SPART: variants seen among roughly 807,000 people sequenced by gnomAD.
SPART encodes spartin, also known as spastic paraplegia 20 (Troyer syndrome).
SPART carries 35 observed loss-of-function variants against 58.7 expected under a neutral mutation model. The ratio of observed to expected loss-of-function variants is 0.60; its 90% CI spans 0.46 to 0.79. SPART has a LOEUF of 0.79. SPART is among the 30% of genes least tolerant of loss of function. The probability of loss-of-function intolerance (pLI) is 0.00; values close to 1 mark genes in which losing one functional copy is unlikely to be tolerated. For synonymous variants in SPART, 284 were observed against 280.7 expected (o/e 1.01, Z -0.12); for missense variants, 730 against 786.1 (o/e 0.93, Z 0.85).
At chr13:36,345,324 A>C (rs1188739939) in intron 1 of SPART, among the ~76,000 whole-genome samples, 5 of 152,212 alleles carry the variant, frequency 3.3e-5, no homozygotes, top group Admixed American at 2.6e-4. Context: ...GGTCCAATAA[A>C]GCCACCAAAT....
intron 1 of SPART, among the ~76,000 whole-genome samples, chr13:36,340,356 CTG>C (rs1437694090): frequency 7.0e-6 from 1 of 142,736 alleles, no homozygotes; most frequent in Non-Finnish European, 1.6e-5. Flanking sequence ...GAGCAAGACT[CTG>C]TTTCAAAAAA....
intron 5 of SPART, among the ~76,000 whole-genome samples, chr13:36,325,039 T>C (rs1882781013): frequency 6.6e-6 from 1 of 152,226 alleles, no homozygotes. Flanking sequence ...TTTTCACTTC[T>C]TTTGTGATTC....
chr13:36,357,171 T>C (rs1024380420), intron 1 of SPART, among the ~76,000 whole-genome samples: 5 of 152,170 alleles, frequency 3.3e-5, no homozygotes, highest in African/African-American at 1.2e-4. Context: ...CTCCCGCTCT[T>C]ACAACCATGG....
chr13:36,325,135 T>C (rs1260256850), intron 5 of SPART, among the ~76,000 whole-genome samples: 3 of 152,180 alleles, frequency 2.0e-5, no homozygotes, highest in Non-Finnish European at 4.4e-5. Flanking sequence ...CTGACAAGTA[T>C]AAATTCCAAA....
At chr13:36,309,934 AAAAC>A (rs763621250) in intron 8 of SPART, among the ~76,000 whole-genome samples, 17 of 152,198 alleles carry the variant, frequency 1.1e-4, no homozygotes, top group South Asian at 6.2e-4. Flanking sequence ...TTCCTATCTT[AAAAC>A]AAACAAACAA....
chr13:36,304,573 C>T lies in SPART; in HGVS notation c.1793G>A (p.Gly598Asp). ...GTTGTTAATATTGTAGGCAGTTACG[C>T]CAACATTGACCGCAGAATCCACCGC... ...HHAVDSAVNV[G>D]VTAYNINNIG... The change falls in exon 9 of 9, where the codon GGC becomes GAC. Residue 598 changes from glycine to aspartate, a missense_variant. By Grantham distance (94) the Gly-to-Asp change is moderately conservative. Coordinates refer to ENST00000438666, the MANE Select transcript of SPART (RefSeq NM_015087.5). 6.2e-7 allele frequency: 1 copy of T among 1,614,094 alleles called. No homozygotes were observed. The highest frequency in any genetic ancestry group is 8.5e-7 in the Non-Finnish European group (1 of 1,179,998).
At chr13:36,323,543 C>T (rs75867963) in intron 5 of SPART, among the ~76,000 whole-genome samples, 3,669 of 152,236 alleles carry the variant, frequency 0.024, 100 homozygotes, top group East Asian at 0.14. Context: ...TGGACAGGCA[C>T]CAATTATGGG....
intron 5 of SPART, among the ~76,000 whole-genome samples, chr13:36,324,648 A>C (rs1020257360): frequency 6.6e-6 from 1 of 152,190 alleles, no homozygotes; most frequent in Admixed American, 6.5e-5. Context: ...GTTACATAGC[A>C]GTAGTAAATG....
intron 3 of SPART, among the ~76,000 whole-genome samples, chr13:36,330,845 G>C (rs1883390943): frequency 6.6e-6 from 1 of 151,968 alleles, no homozygotes; most frequent in Non-Finnish European, 1.5e-5. Flanking sequence ...CAAGAACAAA[G>C]ATAATTATCT....
At chr13:36,339,236 G>A (rs1257104790) in intron 1 of SPART, among the ~76,000 whole-genome samples, 1 of 151,954 alleles carries the variant, frequency 6.6e-6, no homozygotes, top group Non-Finnish European at 1.5e-5. Context: ...TAAAACGCAG[G>A]AAGGAAAAAC....
In SPART at chr13:36,335,478, G is replaced by A. The variant is rs749885557; in HGVS notation, c.353C>T (p.Pro118Leu). ...TAATTTTTCACACATGTCTTTAGGTGGAAATTCTGGATATAACTTGGGCAC... is the reference window on the plus strand; with the variant it reads ...TAATTTTTCACACATGTCTTTAGGTAGAAATTCTGGATATAACTTGGGCAC... ...QEVPKLYPEF[P>L]PKDMCEKLPE... is the part of the protein sequence containing the mutation. Residue 118 changes from proline to leucine, a missense_variant, in exon 2 of 9, where the codon CCA becomes CTA. Physicochemically the swap from Pro to Leu is moderately conservative, Grantham distance 98 (BLOSUM62 -3). Coordinates refer to ENST00000438666, the MANE Select transcript of SPART (RefSeq NM_015087.5). 2.5e-6 allele frequency: 4 copies of A among 1,613,952 alleles called. No individual in the cohort carries two copies. Among genetic ancestry groups the A allele is most frequent in the Non-Finnish European group, 2.5e-6 (3 of 1,180,014 alleles).
At chr13:36,325,352 C>T (rs1397144278) in intron 5 of SPART, among the ~76,000 whole-genome samples, 2 of 152,150 alleles carry the variant, frequency 1.3e-5, no homozygotes, top group African/African-American at 4.8e-5. Context: ...TTGGCTCTAT[C>T]TTTTTTTCTT....
intron 1 of SPART, among the ~76,000 whole-genome samples, chr13:36,340,303 C>A (rs1483994457): frequency 6.6e-6 from 1 of 151,562 alleles, no homozygotes; most frequent in Non-Finnish European, 1.5e-5. Flanking sequence ...GCGGACCTTG[C>A]AGTGAGCCGA....
intron 8 of SPART, among the ~76,000 whole-genome samples, chr13:36,309,643 A>G (rs974360545): frequency 6.6e-6 from 1 of 152,150 alleles, no homozygotes; most frequent in Non-Finnish European, 1.5e-5. Context: ...ACAGAAAACC[A>G]CATGTTCTCA....
At chr13:36,325,558 T>C (rs965008593) in intron 5 of SPART, among the ~76,000 whole-genome samples, 20 of 152,154 alleles carry the variant, frequency 1.3e-4, no homozygotes, top group African/African-American at 4.8e-4. Flanking sequence ...GGGTTATGAA[T>C]TTGACACACT....
chr13:36,332,179 A>G (rs1883523826), intron 2 of SPART, among the ~76,000 whole-genome samples: 1 of 152,188 alleles, frequency 6.6e-6, no homozygotes, highest in Admixed American at 6.5e-5. Flanking sequence ...GAAGCTGAAC[A>G]AGTATTTTAA....
chr13:36,337,178 A>G (rs1382057502), intron 1 of SPART, among the ~76,000 whole-genome samples: 1 of 152,234 alleles, frequency 6.6e-6, no homozygotes, highest in Non-Finnish European at 1.5e-5. Flanking sequence ...TAAATGGAAA[A>G]TTACAGAGAT....
In SPART at chr13:36,304,310, A is replaced by T; in HGVS notation, c.*55T>A. ...TGAGGAATTCCACATTTGCCTATTTAACAAAATTTCATCCATTTCATAAGG... is the reference window on the plus strand; with the variant it reads ...TGAGGAATTCCACATTTGCCTATTTTACAAAATTTCATCCATTTCATAAGG... On this transcript the variant is annotated 3_prime_UTR_variant, in exon 9 of 9. Transcript: ENST00000438666. 6.2e-7 allele frequency: 1 copy of T among 1,608,084 alleles called. No individual in the cohort carries two copies. Among genetic ancestry groups the T allele is most frequent in the Non-Finnish European group, 8.5e-7 (1 of 1,175,364 alleles).
At chr13:36,307,988 C>T (rs17053809) in intron 8 of SPART, among the ~76,000 whole-genome samples, 2,090 of 152,206 alleles carry the variant, frequency 0.014, 50 homozygotes, top group African/African-American at 0.048. Flanking sequence ...TCGCTTATCA[C>T]AGGCAATTAA....
Sources: allele counts gnomAD v4.1 joint callset (sites outside exome capture counted in the v4.1 genomes callset), GRCh38; gene constraint gnomAD v4.1.1; transcripts MANE v1.5; gene names NCBI Gene and HGNC (gene_info 2026-07-23, HGNC 2026-07-21).